The following ABI3BP variants were observed in gnomAD, a reference collection of about 807,000 sequenced individuals.
ABI3BP encodes target of Nesh-SH3.
Under a neutral mutation model 268.6 loss-of-function variants are expected in ABI3BP, and 216 were observed. That is an observed-to-expected ratio of 0.80 (90% CI 0.72 to 0.90). The LOEUF is 0.90. Among genes scored for constraint, ABI3BP ranks in the 40% least tolerant of loss-of-function variants. The pLI is 0.00. For synonymous variants in ABI3BP, 730 were observed against 730.0 expected (o/e 1.00, Z 0.00); for missense variants, 2,090 against 2,182.4 (o/e 0.96, Z 0.84).
chr3:100,753,128 A>G (rs1391407007), intron 65 of ABI3BP, among the ~76,000 whole-genome samples, 180 bp from the exon 66 acceptor site: 1 of 152,178 alleles, frequency 6.6e-6, no homozygotes, highest in Non-Finnish European at 1.5e-5. Flanking sequence ...CTGTCAATAG[A>G]TAAATCTGAG....
At chr3:100,815,005 G>A (rs73135522) in intron 44 of ABI3BP, among the ~76,000 whole-genome samples, 21,574 of 152,084 alleles carry the variant, frequency 0.14, 1,991 homozygotes, top group South Asian at 0.27. Context: ...TGTGATTCAA[G>A]TGCAATGGGC....
At chr3:100,881,958 AAT>A (rs1162196919) in intron 6 of ABI3BP, among the ~76,000 whole-genome samples, 2 of 152,182 alleles carry the variant, frequency 1.3e-5, no homozygotes, top group East Asian at 3.8e-4. Context: ...TATGAATTAC[AAT>A]ATATAGTGTA....
chr3:100,951,114 C>T (rs1423421010), intron 1 of ABI3BP, among the ~76,000 whole-genome samples: 1 of 151,982 alleles, frequency 6.6e-6, no homozygotes, highest in Admixed American at 6.6e-5. Context: ...ATGTCTGAGA[C>T]AAGTCTAGTG....
chr3:100,811,661 T>C (rs2097863040), intron 47 of ABI3BP, 67 bp downstream of exon 47: 2 of 1,443,020 alleles, frequency 1.4e-6, no homozygotes, highest in Non-Finnish European at 1.9e-6. Context: ...TCATATTCCG[T>C]GGATGTAACT....
chr3:100,777,426 T>G (rs1487515226), intron 59 of ABI3BP, among the ~76,000 whole-genome samples: 1 of 152,216 alleles, frequency 6.6e-6, no homozygotes, highest in East Asian at 1.9e-4. Flanking sequence ...ACTTTGTTAT[T>G]ACTCATCAAA....
chr3:100,944,738 AC>A (rs1331372066), intron 1 of ABI3BP, among the ~76,000 whole-genome samples: 9 of 152,160 alleles, frequency 5.9e-5, no homozygotes, highest in Non-Finnish European at 1.3e-4. Context: ...GTTCATAAAT[AC>A]CCAGTACTGA....
At chr3:100,861,177 C>T in intron 14 of ABI3BP, among the ~76,000 whole-genome samples, 1 of 152,178 alleles carries the variant, frequency 6.6e-6, no homozygotes, top group East Asian at 1.9e-4. Flanking sequence ...GCATGGCCAA[C>T]TTTCAAGTGT....
chr3:100,868,687 T>C (rs960297179), intron 9 of ABI3BP, among the ~76,000 whole-genome samples: 1 of 152,252 alleles, frequency 6.6e-6, no homozygotes, highest in African/African-American at 2.4e-5. Flanking sequence ...CTAAGTGTCA[T>C]AAATGATAAT....
chr3:100,913,278 T>C (rs1310266705), intron 2 of ABI3BP, among the ~76,000 whole-genome samples: 1 of 152,050 alleles, frequency 6.6e-6, no homozygotes, highest in Admixed American at 6.5e-5. Context: ...CTGAAGACCA[T>C]TGCTGAAAAA....
intron 1 of ABI3BP, among the ~76,000 whole-genome samples, chr3:100,930,004 C>G (rs1204647841): frequency 6.6e-6 from 1 of 152,056 alleles, no homozygotes; most frequent in African/African-American, 2.4e-5. Flanking sequence ...TATGTACATT[C>G]TACACTAATG....
intron 49 of ABI3BP, among the ~76,000 whole-genome samples, chr3:100,809,613 G>A (rs2097796910): frequency 1.3e-5 from 2 of 151,930 alleles, no homozygotes; most frequent in Admixed American, 1.3e-4. Context: ...GGGTTTATAG[G>A]CAACATCTAG....
chr3:100,847,594 A>G lies in ABI3BP; in HGVS notation c.1648+8T>C, dbSNP rs759351586. 8 of 1,604,688 alleles carry G rather than the reference A, an allele frequency of 5.0e-6. No individual in the cohort carries two copies. The highest frequency in any genetic ancestry group is 6.0e-6 in the Non-Finnish European group (7 of 1,171,468). On this transcript the variant is annotated splice_region_variant and intron_variant, in intron 19 of 67. Transcript: ENST00000471714. ...GCAACACATCTACTAAGGACATATCATTATTACCCGGTGTTGTCCATGTAG... is the reference window on the plus strand; with the variant it reads ...GCAACACATCTACTAAGGACATATCGTTATTACCCGGTGTTGTCCATGTAG...
chr3:100,867,337 A>G (rs2099061573), intron 9 of ABI3BP, among the ~76,000 whole-genome samples: 1 of 152,128 alleles, frequency 6.6e-6, no homozygotes, highest in Non-Finnish European at 1.5e-5. Flanking sequence ...CAATTTTAAA[A>G]AATCAACCTA....
At chr3:100,815,792 G>T (rs1259878697) in intron 44 of ABI3BP, 120 bp downstream of exon 44, 2 of 624,394 alleles carry the variant, frequency 3.2e-6, no homozygotes, top group South Asian at 2.6e-5. Context: ...ATTTTAAAAT[G>T]AAGTGTAGAA....
chr3:100,906,426 A>G (rs2053476881), intron 2 of ABI3BP, among the ~76,000 whole-genome samples: 1 of 152,174 alleles, frequency 6.6e-6, no homozygotes, highest in African/African-American at 2.4e-5. Flanking sequence ...TTTGTGCTCT[A>G]TTGGGGACAC....
At position 100,914,126 on chromosome 3, in the gene ABI3BP, T is replaced by C. The variant is rs117156407; in HGVS notation, c.260-11440A>G. Among the ~76,000 whole-genome samples, 54 of 152,338 alleles carry C rather than the reference T, an allele frequency of 3.5e-4. No homozygotes were observed. The East Asian group carries it at 0.01, about 28-fold the overall frequency. ...AACAATTAGTCTTTAATAAGTCCTA[T>C]TTGTAGGACTGTTGTTTTTTTCCTC... On this transcript the variant is annotated intron_variant, in intron 2 of 67. Coordinates refer to ENST00000471714, the MANE Select transcript of ABI3BP (RefSeq NM_001375547.2).
At chr3:100,909,545 C>G (rs1305726559) in intron 2 of ABI3BP, among the ~76,000 whole-genome samples, 2 of 152,104 alleles carry the variant, frequency 1.3e-5, no homozygotes, top group African/African-American at 4.8e-5. Flanking sequence ...CCAGAATCTA[C>G]AAAGAACTTA....
chr3:100,929,886 T>A (rs2153658876), intron 1 of ABI3BP, among the ~76,000 whole-genome samples: 1 of 152,148 alleles, frequency 6.6e-6, no homozygotes, highest in East Asian at 1.9e-4. Flanking sequence ...AAGTTTTTTT[T>A]TCCTTCAATA....
chr3:100,809,934 A>C (rs2097810470), intron 49 of ABI3BP, among the ~76,000 whole-genome samples: 1 of 152,054 alleles, frequency 6.6e-6, no homozygotes, highest in East Asian at 1.9e-4. Context: ...AAGGAGTGGA[A>C]AGAAGAAAGA....
Sources: gnomAD v4.1 joint callset for allele counts (sites outside exome capture counted in the v4.1 genomes callset) on GRCh38, gnomAD v4.1.1 for gene constraint, MANE v1.5 for transcripts, NCBI Gene and HGNC (gene_info 2026-07-23, HGNC 2026-07-21) for gene names.